The following SYNRG variants were observed in gnomAD, a reference collection of about 807,000 sequenced individuals.
The protein encoded by SYNRG is synergin gamma, also known as AP1 gamma subunit binding protein 1.
A neutral mutation model predicts 130.9 loss-of-function variants in SYNRG; 37 were observed. The ratio of observed to expected loss-of-function variants is 0.28; its 90% confidence interval spans 0.22 to 0.37. The LOEUF (loss-of-function observed/expected upper bound fraction) is 0.37. Among genes scored for constraint, SYNRG ranks in the 10% least tolerant of loss-of-function variants. The probability of loss-of-function intolerance (pLI) is 1.00; values close to 1 mark genes in which losing one functional copy is unlikely to be tolerated. For missense variants in SYNRG, 1,338 were observed against 1,588.9 expected (o/e 0.84, Z 2.68); for synonymous variants, 539 against 568.1 (o/e 0.95, Z 0.73).
chr17:37,534,142 C>G (rs1354420374), intron 19 of SYNRG, among the ~76,000 whole-genome samples: 1 of 150,040 alleles, frequency 6.7e-6, no homozygotes, highest in African/African-American at 2.5e-5. Flanking sequence ...TGGGGTTTCA[C>G]CATTTTGGCC....
chr17:37,583,100 C>G (rs1377673456), intron 6 of SYNRG, among the ~76,000 whole-genome samples: 1 of 151,602 alleles, frequency 6.6e-6, no homozygotes, highest in Non-Finnish European at 1.5e-5. Context: ...AAGCTATTCT[C>G]TTGCCTCAGC....
Position 37,577,696 on chromosome 17 carries a change from T to C in SYNRG, c.590-83A>G, listed in dbSNP as rs2060952849. Reference sequence around the variant, plus strand: ...ACCATCCATCTCCACCCCCATATTCTTTTTTTTTTTTTTTTTTTTTGAGAT... The same window carrying C: ...ACCATCCATCTCCACCCCCATATTCCTTTTTTTTTTTTTTTTTTTTGAGAT... On this transcript the variant is annotated intron_variant, in intron 6 of 21. Coordinates refer to ENST00000612223, the MANE Select transcript of SYNRG (RefSeq NM_007247.6). The C allele has an allele frequency of 2.6e-3, 195 of 75,850 alleles. No individual in the cohort carries two copies. The Middle Eastern group carries it at 0.05, about 19-fold the overall frequency. The allele number at this position is 75,850 out of a possible 1,614,324, so 4.7% of individuals were successfully genotyped here.
chr17:37,544,153 TA>T (rs2058044874), intron 14 of SYNRG, among the ~76,000 whole-genome samples: 1 of 151,886 alleles, frequency 6.6e-6, no homozygotes. Flanking sequence ...AAGTGAATAA[TA>T]AAAACAAAAA....
chr17:37,548,755 T>C (rs929327036), intron 14 of SYNRG, among the ~76,000 whole-genome samples: 31 of 149,590 alleles, frequency 2.1e-4, no homozygotes, highest in African/African-American at 7.7e-4. Context: ...GAGGCAGAGG[T>C]TGCAGTGAGC....
chr17:37,557,771 A>G (rs2059225621), intron 13 of SYNRG, among the ~76,000 whole-genome samples: 1 of 152,058 alleles, frequency 6.6e-6, no homozygotes, highest in Non-Finnish European at 1.5e-5. Flanking sequence ...GCTTGAGTCC[A>G]GGAGTTGGAA....
At chr17:37,580,179 T>A (rs776467885) in intron 6 of SYNRG, among the ~76,000 whole-genome samples, 1 of 151,990 alleles carries the variant, frequency 6.6e-6, no homozygotes, top group Non-Finnish European at 1.5e-5. Context: ...AGAAATTCAG[T>A]AAGAAATAAT....
intron 1 of SYNRG, among the ~76,000 whole-genome samples, chr17:37,601,939 A>C (rs983466187): frequency 2.6e-5 from 4 of 152,146 alleles, no homozygotes; most frequent in African/African-American, 9.7e-5. Flanking sequence ...CTGGGGTTAC[A>C]GACATGAGCT....
chr17:37,566,357 A>G (rs1449870530), intron 11 of SYNRG, among the ~76,000 whole-genome samples: 2 of 146,554 alleles, frequency 1.4e-5, no homozygotes, highest in African/African-American at 2.6e-5. Flanking sequence ...GCTCTCTGAA[A>G]CATGTGCTGT....
intron 15 of SYNRG, 92 bp from the exon 16 acceptor site, chr17:37,540,635 T>C: frequency 2.0e-5 from 25 of 1,243,124 alleles, no homozygotes; most frequent in Non-Finnish European, 2.7e-5. Context: ...CTCTTCTTTT[T>C]TTTTTTTTTT....
At chr17:37,584,111 G>A (rs1418758098) in intron 6 of SYNRG, among the ~76,000 whole-genome samples, 1 of 152,156 alleles carries the variant, frequency 6.6e-6, no homozygotes, top group African/African-American at 2.4e-5. Flanking sequence ...CCTTTACCCT[G>A]CTCTAAAACA....
intron 11 of SYNRG, among the ~76,000 whole-genome samples, chr17:37,561,959 T>G (rs1435315420): frequency 7.8e-6 from 1 of 128,606 alleles, no homozygotes; most frequent in East Asian, 2.2e-4. Context: ...TCCATAAAAC[T>G]GCAAAAGTGA....
chr17:37,600,264 C>T (rs578147566), intron 2 of SYNRG, 99 bp downstream of exon 2: 3 of 1,105,076 alleles, frequency 2.7e-6, no homozygotes, highest in African/African-American at 3.2e-5. Flanking sequence ...TTACTCTATT[C>T]AGCAGCAACA....
intron 19 of SYNRG, among the ~76,000 whole-genome samples, chr17:37,533,930 T>C (rs868780553): frequency 0.014 from 1,586 of 113,900 alleles, 34 homozygotes; most frequent in African/African-American, 0.052. Flanking sequence ...TCTTTTCTTT[T>C]TTTTTTTTTT....
intron 15 of SYNRG, chr17:37,540,784 A>T: frequency 1.4e-6 from 1 of 725,286 alleles, no homozygotes; most frequent in Non-Finnish European, 1.9e-6. Context: ...ACAGGTGCAC[A>T]CCATCATGCC....
chr17:37,518,895 G>A lies in SYNRG; in HGVS notation c.*45C>T. 1 of 1,604,126 alleles carries A rather than the reference G, an allele frequency of 6.2e-7. No homozygotes were observed. The highest frequency in any genetic ancestry group is 1.1e-5 in the South Asian group (1 of 90,138). On this transcript the variant is annotated 3_prime_UTR_variant, in exon 22 of 22. Coordinates refer to ENST00000612223, the MANE Select transcript of SYNRG (RefSeq NM_007247.6). Reference sequence around the variant, plus strand: ...ATTTATTGGTCCCTGTCACCCCGTGGGGTGTCACAGAAAAAAAAAAGTCAA... The same window carrying A: ...ATTTATTGGTCCCTGTCACCCCGTGAGGTGTCACAGAAAAAAAAAAGTCAA...
intron 19 of SYNRG, among the ~76,000 whole-genome samples, chr17:37,533,125 C>T (rs2056811007): frequency 6.6e-6 from 1 of 152,162 alleles, no homozygotes; most frequent in African/African-American, 2.4e-5. Context: ...CAAGGCCAGG[C>T]ACAGTGGTTC....
rs1351146091 is a variant in SYNRG at position 37,519,038 on chromosome 17, C to T, written c.3847G>A (p.Ala1283Thr). ...FNSETDSFKL[A>T]YGGHQYHASC... ...GCGTGATACTGGTGCCCTCCATAGGCCAGCTTGAAACTGTCTGTTTCTGAG... is the reference window on the plus strand; with the variant it reads ...GCGTGATACTGGTGCCCTCCATAGGTCAGCTTGAAACTGTCTGTTTCTGAG... The change falls in exon 22 of 22, where the codon GCC becomes ACC. Residue 1283 changes from alanine to threonine, a missense_variant. Ala to Thr is a moderately conservative substitution (Grantham distance 58). Transcript: ENST00000612223. The T allele has an allele frequency of 6.2e-7, 1 of 1,614,178 alleles. No homozygotes were observed. The highest frequency in any genetic ancestry group is 1.1e-5 in the South Asian group (1 of 91,088).
At chr17:37,580,478 C>CGTGTGTGTGTGTGTGTGTGTGTGT (rs1341679385) in intron 6 of SYNRG, among the ~76,000 whole-genome samples, 19 of 121,944 alleles carry the variant, frequency 1.6e-4, no homozygotes, top group African/African-American at 6.1e-4. Flanking sequence ...CTTTGTATTT[C>CGTGTGTGTGTGTGTGTGTGTGTGT]GTGTGTGTGT....
Position 37,540,419 on chromosome 17 carries a change from G to A in SYNRG, c.3327C>T (p.Val1109=). ...NTLNEKPALP[V]IRDKYKDLTG... is the part of the protein sequence containing the mutation. The stretch of plus-strand genomic sequence containing the variant: ...TCAGGTCTTTGTACTTGTCTCGGAT[G>A]ACGGGCAGGGCGGGCTTCTCATTCA... Residue 1109 remains valine (V), a synonymous_variant, in exon 16 of 22, where the codon GTC becomes GTT. Transcript: ENST00000612223. 1 of 1,613,894 alleles carries A rather than the reference G, an allele frequency of 6.2e-7. No individual in the cohort carries two copies. The highest frequency in any genetic ancestry group is 2.2e-5 in the East Asian group (1 of 44,874).
Sources: allele counts gnomAD v4.1 joint callset (sites outside exome capture counted in the v4.1 genomes callset), GRCh38; gene constraint gnomAD v4.1.1; transcripts MANE v1.5; gene names NCBI Gene and HGNC (gene_info 2026-07-23, HGNC 2026-07-21).